The following RNF17 variants were observed in gnomAD, a reference collection of about 807,000 sequenced individuals.
The protein encoded by RNF17 is ring finger protein 17, also known as spermatogenesis associated 23.
A neutral mutation model predicts 200.5 loss-of-function variants in RNF17; 31 were observed. That is an observed-to-expected ratio of 0.15 (90% CI 0.12 to 0.21). RNF17 has a LOEUF of 0.21. Ranked by LOEUF, RNF17 falls within the 10% of genes least tolerant of loss-of-function variation. The pLI, the probability that RNF17 is intolerant of heterozygous loss-of-function variation, is 1.00. For missense variants in RNF17, 1,628 were observed against 1,905.1 expected, an observed-to-expected ratio of 0.85 and a Z score of 2.71; for synonymous variants, 606 against 637.8, an observed-to-expected ratio of 0.95 and a Z score of 0.75.
At chr13:24,839,533 G>A (rs1401363338) in intron 18 of RNF17, among the ~76,000 whole-genome samples, 4 of 151,980 alleles carry the variant, frequency 2.6e-5, no homozygotes, top group African/African-American at 9.7e-5. Flanking sequence ...ACAAAAATAG[G>A]CACATAGACT....
At position 24,844,996 on chromosome 13, in the gene RNF17, G is replaced by C. The variant is rs763683965; in HGVS notation, c.3018G>C (p.Val1006=). Residue 1006 remains valine (V), a synonymous_variant, in exon 22 of 36, where the codon GTG becomes GTC. Coordinates refer to ENST00000255324, the MANE Select transcript of RNF17 (RefSeq NM_031277.3). The stretch of plus-strand genomic sequence containing the variant: ...ATGATGTGGGTGTTGAACTAGTAGT[G>C]AATGTTGACTGTTTAAGAAAACTTG... ...LLYDVGVELV[V]NVDCLRKLEE... 26 of 1,606,478 alleles carry C rather than the reference G, an allele frequency of 1.6e-5. No individual in the cohort carries two copies. The East Asian group carries it at 5.8e-4, about 36-fold the overall frequency.
chr13:24,832,634 GATACAT>G (rs1889540753), intron 18 of RNF17, among the ~76,000 whole-genome samples: 1 of 152,184 alleles, frequency 6.6e-6, no homozygotes, highest in African/African-American at 2.4e-5. Flanking sequence ...TGGGGTATTA[GATACAT>G]ATACACGATA....
chr13:24,859,894 G>A (rs1892927048), intron 26 of RNF17, among the ~76,000 whole-genome samples: 1 of 151,930 alleles, frequency 6.6e-6, no homozygotes, highest in Admixed American at 6.6e-5. Flanking sequence ...CCTAGACATA[G>A]ATTATTATTC....
intron 22 of RNF17, among the ~76,000 whole-genome samples, chr13:24,846,071 A>T (rs550193347): frequency 6.6e-6 from 1 of 152,270 alleles, no homozygotes; most frequent in South Asian, 2.1e-4. Flanking sequence ...CCAGCCTGAC[A>T]CAGTGATTTT....
At chr13:24,886,304 C>T in the RNF17 span, 8 of 1,288,834 alleles carry the variant, frequency 6.2e-6, no homozygotes, top group South Asian at 4.9e-5. Context: ...CTGGATGTTA[C>T]GGGAGAATGG....
chr13:24,859,322 C>T (rs1056996567), intron 26 of RNF17, among the ~76,000 whole-genome samples, 158 bp downstream of exon 26: 4 of 152,120 alleles, frequency 2.6e-5, no homozygotes, highest in African/African-American at 7.2e-5. Flanking sequence ...AATAATTTTT[C>T]GTTTTATTTG....
chr13:24,757,321 C>CT, the RNF17 span, among the ~76,000 whole-genome samples: 7,637 of 141,652 alleles, frequency 0.054, 293 homozygotes, highest in East Asian at 0.17. Flanking sequence ...GGACAATATT[C>CT]TTTTTTTTTT....
downstream of RNF17, among the ~76,000 whole-genome samples, chr13:24,880,872 G>C (rs1315244357): frequency 6.6e-6 from 1 of 152,140 alleles, no homozygotes; most frequent in Non-Finnish European, 1.5e-5. Context: ...CCAGACTTTT[G>C]CCAGACTGTG....
chr13:24,824,280 T>C (rs1888399291), intron 15 of RNF17: 1 of 695,252 alleles, frequency 1.4e-6, no homozygotes, highest in Non-Finnish European at 2.6e-6. Flanking sequence ...AGCTTCCTAA[T>C]CTATTTTGTT....
chr13:24,831,371 G>A (rs1015211624), intron 17 of RNF17, among the ~76,000 whole-genome samples: 20 of 152,252 alleles, frequency 1.3e-4, no homozygotes, highest in African/African-American at 4.6e-4. Flanking sequence ...GAACCCGGGA[G>A]GCGGAGGTTG....
At chr13:24,770,340 T>A (rs1302288986) in intron 2 of RNF17, among the ~76,000 whole-genome samples, 1 of 151,914 alleles carries the variant, frequency 6.6e-6, no homozygotes, top group Non-Finnish European at 1.5e-5. Flanking sequence ...CTATAGGGGG[T>A]AAAAGAAAAC....
chr13:24,832,714 G>A, intron 18 of RNF17, among the ~76,000 whole-genome samples: 1 of 152,142 alleles, frequency 6.6e-6, no homozygotes, highest in South Asian at 2.1e-4. Context: ...GGCCCCAAGG[G>A]TTTTAGATAG....
downstream of RNF17, among the ~76,000 whole-genome samples, chr13:24,880,902 T>C (rs780416020): frequency 1.3e-5 from 2 of 152,238 alleles, no homozygotes; most frequent in Non-Finnish European, 2.9e-5. Context: ...AGAAAAGGTA[T>C]CTCATCAGTG....
At chr13:24,836,913 CT>C (rs1358521713) in intron 18 of RNF17, among the ~76,000 whole-genome samples, 1 of 152,164 alleles carries the variant, frequency 6.6e-6, no homozygotes, top group Non-Finnish European at 1.5e-5. Flanking sequence ...TAAATGCTCA[CT>C]TAAAAGATAC....
At chr13:24,868,771 C>A in intron 31 of RNF17, 55 bp downstream of exon 31, 8 of 950,504 alleles carry the variant, frequency 8.4e-6, no homozygotes, top group South Asian at 1.3e-5. Context: ...CTGTCTTGGT[C>A]TTAAACACTA....
intron 15 of RNF17, among the ~76,000 whole-genome samples, chr13:24,820,322 A>T (rs1887897474): frequency 6.6e-6 from 1 of 151,986 alleles, no homozygotes; most frequent in Non-Finnish European, 1.5e-5. Context: ...GGGTTTCACC[A>T]TGTTGGCCAG....
chr13:24,863,907 C>T (rs1893363810), intron 28 of RNF17, among the ~76,000 whole-genome samples: 1 of 152,198 alleles, frequency 6.6e-6, no homozygotes, highest in African/African-American at 2.4e-5. Flanking sequence ...AAGGGAGATG[C>T]TGACAGAGGG....
intron 16 of RNF17, among the ~76,000 whole-genome samples, chr13:24,830,258 G>A (rs1889238467): frequency 6.6e-6 from 1 of 152,014 alleles, no homozygotes; most frequent in Admixed American, 6.6e-5. Flanking sequence ...CCTGATTTTG[G>A]CTATCCTTTG....
chr13:24,827,716 AAC>A (rs1375463027), intron 16 of RNF17, among the ~76,000 whole-genome samples: 10,915 of 78,940 alleles, frequency 0.14, 3,568 homozygotes, highest in Non-Finnish European at 0.16. Context: ...AAAAAAAAAA[AAC>A]AAAAAAAAAA....
Sources: gnomAD v4.1 joint callset for allele counts (sites outside exome capture counted in the v4.1 genomes callset) on GRCh38, gnomAD v4.1.1 for gene constraint, MANE v1.5 for transcripts, NCBI Gene and HGNC (gene_info 2026-07-23, HGNC 2026-07-21) for gene names.